The following UBE3C variants were observed in gnomAD, a reference collection of about 807,000 sequenced individuals.
The protein encoded by UBE3C is ubiquitin-protein ligase E3C.
Under a neutral mutation model 129.4 loss-of-function variants are expected in UBE3C, and 42 were observed. The ratio of observed to expected loss-of-function variants is 0.32; its 90% CI spans 0.25 to 0.42. UBE3C has a LOEUF of 0.42. UBE3C is among the 10% of genes least tolerant of loss of function. UBE3C has a pLI of 1.00. For synonymous variants in UBE3C, 510 were observed against 492.4 expected, an observed-to-expected ratio of 1.04 and a Z score of -0.47; for missense variants, 1,049 against 1,319.1, an observed-to-expected ratio of 0.80 and a Z score of 3.17.
intron 1 of UBE3C, among the ~76,000 whole-genome samples, chr7:157,148,547 T>A (rs998288783): frequency 6.6e-6 from 1 of 152,136 alleles, no homozygotes; most frequent in Non-Finnish European, 1.5e-5. Context: ...CTCTATTATA[T>A]AATTGAAGGG....
intron 10 of UBE3C, among the ~76,000 whole-genome samples, chr7:157,187,487 T>A (rs1183008990): frequency 9.2e-5 from 14 of 151,648 alleles, no homozygotes; most frequent in Non-Finnish European, 1.9e-4. Flanking sequence ...GCTCAAGCGA[T>A]CCTTTCACCC....
At position 157,170,342 on chromosome 7, in the gene UBE3C, C is replaced by G. The variant is rs375892262; in HGVS notation, c.234C>G (p.Thr78=). The change falls in exon 4 of 23, where the codon ACC becomes ACG. Residue 78 remains threonine (T), a synonymous_variant. Coordinates refer to ENST00000348165, the MANE Select transcript of UBE3C (RefSeq NM_014671.3). ...GAAGTGCATTTGATCGCTGTGCTAC[C>G]TTGTCACAGTCCGGGGGCGCTTTTC... The part of the protein sequence containing the change: ...IQRSAFDRCA[T]LSQSGGAFPI... 1.8e-5 allele frequency: 28 copies of G among 1,557,330 alleles called. No individual in the cohort carries two copies. The highest frequency in any genetic ancestry group is 1.7e-4 in the Middle Eastern group (1 of 5,898).
intron 4 of UBE3C, among the ~76,000 whole-genome samples, chr7:157,171,495 T>TC (rs1289661393): frequency 6.6e-6 from 1 of 151,648 alleles, no homozygotes; most frequent in Non-Finnish European, 1.5e-5. Flanking sequence ...TGTAGGCTGT[T>TC]GATCTTATCA....
intron 18 of UBE3C, among the ~76,000 whole-genome samples, chr7:157,237,918 G>A (rs1453350112): frequency 6.6e-6 from 1 of 151,808 alleles, no homozygotes; most frequent in Non-Finnish European, 1.5e-5. Context: ...CAGGCATGGT[G>A]GTGTGTGTCT....
chr7:157,151,804 G>A (rs943365054), intron 1 of UBE3C, among the ~76,000 whole-genome samples: 1 of 152,154 alleles, frequency 6.6e-6, no homozygotes, highest in Non-Finnish European at 1.5e-5. Context: ...CCCTTGGTTT[G>A]TCACCATGAC....
At chr7:157,152,303 G>A (rs1807777847) in intron 1 of UBE3C, among the ~76,000 whole-genome samples, 1 of 152,150 alleles carries the variant, frequency 6.6e-6, no homozygotes, top group Non-Finnish European at 1.5e-5. Flanking sequence ...ATTCAGGGAG[G>A]ACTGGAAAGC....
chr7:157,260,124 AT>A (rs1359873404), intron 22 of UBE3C, among the ~76,000 whole-genome samples: 1 of 151,866 alleles, frequency 6.6e-6, no homozygotes, highest in Non-Finnish European at 1.5e-5. Flanking sequence ...GAGAGAAAAA[AT>A]AACCATGCAA....
chr7:157,230,310 C>A (rs1225259233), intron 17 of UBE3C, among the ~76,000 whole-genome samples: 3 of 151,904 alleles, frequency 2.0e-5, no homozygotes, highest in Non-Finnish European at 4.4e-5. Flanking sequence ...TTGTCCAATC[C>A]TTTGGCTTCC....
intron 21 of UBE3C, among the ~76,000 whole-genome samples, chr7:157,254,523 G>A (rs1048997743): frequency 7.3e-5 from 11 of 151,252 alleles, no homozygotes; most frequent in African/African-American, 2.2e-4. Context: ...TCAGCCTCCC[G>A]AATAGCTGGG....
Position 157,225,532 on chromosome 7 carries a change from A to G in UBE3C, c.2226A>G (p.Pro742=). 6.3e-7 allele frequency: 1 copy of G among 1,585,446 alleles called. No homozygotes were observed. Among genetic ancestry groups the G allele is most frequent in the Non-Finnish European group, 8.5e-7 (1 of 1,172,098 alleles). The part of the protein sequence containing the change: ...IYEDAYDKLS[P]ENEPDLKKRI... The stretch of plus-strand genomic sequence containing the variant: ...AAGATGCTTATGACAAACTTTCTCC[A>G]GAAAATGGTATATATAATTCTTTCT... Residue 742 remains proline (P), a synonymous_variant, in exon 17 of 23, where the codon CCA becomes CCG. Coordinates refer to ENST00000348165, the MANE Select transcript of UBE3C (RefSeq NM_014671.3).
chr7:157,209,281 G>A (rs1809524445), intron 13 of UBE3C, among the ~76,000 whole-genome samples: 1 of 152,192 alleles, frequency 6.6e-6, no homozygotes, highest in Non-Finnish European at 1.5e-5. Context: ...AGCATTAGCA[G>A]CAGCAGCCGT....
intron 14 of UBE3C, 137 bp downstream of exon 14, chr7:157,217,108 TACTA>T (rs1309275384): frequency 6.4e-6 from 4 of 622,438 alleles, no homozygotes; most frequent in East Asian, 6.0e-5. Context: ...TAAACCTTAT[TACTA>T]ACTCTTACGC....
intron 14 of UBE3C, among the ~76,000 whole-genome samples, chr7:157,217,475 AC>A (rs1795614593): frequency 6.6e-6 from 1 of 152,148 alleles, no homozygotes; most frequent in Non-Finnish European, 1.5e-5. Context: ...TTCTAAAAGA[AC>A]AGAGACAAAT....
At chr7:157,231,391 T>C in intron 18 of UBE3C, 64 bp downstream of exon 18, 2 of 1,576,078 alleles carry the variant, frequency 1.3e-6, no homozygotes, top group Non-Finnish European at 1.7e-6. Flanking sequence ...TATGTTTATG[T>C]GTGGTTGTTA....
intron 22 of UBE3C, among the ~76,000 whole-genome samples, chr7:157,258,605 G>T (rs567638264): frequency 6.6e-6 from 1 of 152,094 alleles, no homozygotes; most frequent in Non-Finnish European, 1.5e-5. Flanking sequence ...GATTACAGGC[G>T]TGCGCCTCCA....
chr7:157,157,110 TAGTA>T (rs1382479912), intron 1 of UBE3C, among the ~76,000 whole-genome samples: 1 of 152,214 alleles, frequency 6.6e-6, no homozygotes, highest in Admixed American at 6.5e-5. Context: ...TGGCTCACAC[TAGTA>T]AGTGTCAGCT....
intron 17 of UBE3C, among the ~76,000 whole-genome samples, chr7:157,230,694 CA>C (rs748639288): frequency 0.073 from 2,852 of 38,862 alleles, 63 homozygotes; most frequent in African/African-American, 0.17. Context: ...GACCCCGTCT[CA>C]AAAAAAAAAA....
chr7:157,184,175 A>G (rs1327945057), intron 9 of UBE3C, 146 bp downstream of exon 9: 3 of 1,003,780 alleles, frequency 3.0e-6, no homozygotes, highest in Non-Finnish European at 4.3e-6. Context: ...CCACTACCAC[A>G]GTTTCTAGTG....
chr7:157,168,814 C>T (rs1808288417), intron 2 of UBE3C, among the ~76,000 whole-genome samples: 1 of 152,074 alleles, frequency 6.6e-6, no homozygotes, highest in Admixed American at 6.6e-5. Flanking sequence ...GGGGTGACTG[C>T]GAATGGAGAC....
Sources: allele counts gnomAD v4.1 joint callset (sites outside exome capture counted in the v4.1 genomes callset), GRCh38; gene constraint gnomAD v4.1.1; transcripts MANE v1.5; gene names NCBI Gene and HGNC (gene_info 2026-07-23, HGNC 2026-07-21).